Variants in SOX5 observed in about 807,000 individuals in gnomAD.
The protein encoded by SOX5 is transcription factor SOX-5.
Under a neutral mutation model 92.0 loss-of-function variants are expected in SOX5, and 9 were observed. The observed-to-expected ratio is 0.10, with a 90% CI of 0.06 to 0.17. The LOEUF (loss-of-function observed/expected upper bound fraction) is 0.17, where lower values mean the gene tolerates loss of function less well. SOX5 is among the 10% of genes least tolerant of loss of function. The pLI is 1.00. For synonymous variants in SOX5, 344 were observed against 336.3 expected (o/e 1.02, Z -0.25); for missense variants, 642 against 944.5 (o/e 0.68, Z 4.20).
intron 1 of SOX5, among the ~76,000 whole-genome samples, chr12:24,549,589 A>T (rs932553599): frequency 6.6e-6 from 1 of 152,222 alleles, no homozygotes; most frequent in Non-Finnish European, 1.5e-5. Flanking sequence ...TGGCTTCTGT[A>T]TGAGCATTCT....
chr12:24,095,430 T>C (rs2137865493), intron 4 of SOX5, among the ~76,000 whole-genome samples: 1 of 149,008 alleles, frequency 6.7e-6, no homozygotes, highest in South Asian at 2.1e-4. Flanking sequence ...CTTATTTATT[T>C]ATTTATTTAT....
chr12:23,626,949 G>A (rs1229466004), intron 8 of SOX5, among the ~76,000 whole-genome samples: 1 of 152,020 alleles, frequency 6.6e-6, no homozygotes, highest in African/African-American at 2.4e-5. Context: ...TTCCAATAAC[G>A]GAACACCGGG....
At chr12:24,051,110 T>A (rs1253806268) in intron 4 of SOX5, among the ~76,000 whole-genome samples, 5 of 152,172 alleles carry the variant, frequency 3.3e-5, no homozygotes, top group Non-Finnish European at 1.5e-5. Flanking sequence ...ATGGAAAGCC[T>A]GAAGAGGCCA....
chr12:24,400,288 C>T (rs926261250), intron 1 of SOX5, among the ~76,000 whole-genome samples: 3 of 152,212 alleles, frequency 2.0e-5, no homozygotes, highest in African/African-American at 7.2e-5. Flanking sequence ...TCATAACCTT[C>T]CATTTTGTTT....
chr12:23,853,547 T>G (rs1595065167), intron 2 of SOX5, among the ~76,000 whole-genome samples: 1 of 151,062 alleles, frequency 6.6e-6, no homozygotes, highest in Non-Finnish European at 1.5e-5. Flanking sequence ...TAACGTGTTT[T>G]TTTTTTTTTT....
intron 4 of SOX5, among the ~76,000 whole-genome samples, chr12:24,099,465 A>G (rs1386220936): frequency 6.6e-6 from 1 of 152,170 alleles, no homozygotes; most frequent in Admixed American, 6.5e-5. Context: ...ATTCGGATGA[A>G]GGAGCTACTT....
intron 2 of SOX5, among the ~76,000 whole-genome samples, chr12:24,310,685 G>GT (rs1197409982): frequency 6.6e-6 from 1 of 152,120 alleles, no homozygotes; most frequent in Non-Finnish European, 1.5e-5. Flanking sequence ...CAGAGAAATG[G>GT]TGACGTGATA....
intron 4 of SOX5, among the ~76,000 whole-genome samples, chr12:24,038,015 AC>A (rs1956207144): frequency 6.6e-6 from 1 of 152,214 alleles, no homozygotes; most frequent in Non-Finnish European, 1.5e-5. Flanking sequence ...CCACTCAGTT[AC>A]CTATTTCCCC....
chr12:23,844,283 T>C (rs1210731135), intron 3 of SOX5, among the ~76,000 whole-genome samples: 7 of 152,332 alleles, frequency 4.6e-5, no homozygotes, highest in Non-Finnish European at 5.9e-5. Context: ...ATCCGAAGTA[T>C]GGTTTTACTG....
chr12:24,477,764 G>C (rs1945555415), intron 1 of SOX5, among the ~76,000 whole-genome samples: 1 of 151,862 alleles, frequency 6.6e-6, no homozygotes, highest in South Asian at 2.1e-4. Context: ...AAATTGTTTA[G>C]CTATAAGTAT....
At chr12:24,514,541 T>C (rs1254862523) in intron 1 of SOX5, among the ~76,000 whole-genome samples, 1 of 152,138 alleles carries the variant, frequency 6.6e-6, no homozygotes, top group Non-Finnish European at 1.5e-5. Flanking sequence ...TACCCAGCAA[T>C]CCCACTACTG....
At chr12:23,775,205 T>C (rs1317748045) in intron 3 of SOX5, among the ~76,000 whole-genome samples, 1 of 152,216 alleles carries the variant, frequency 6.6e-6, no homozygotes, top group East Asian at 1.9e-4. Flanking sequence ...TACATAATAA[T>C]ATGAAAATCA....
intron 1 of SOX5, among the ~76,000 whole-genome samples, chr12:23,905,799 A>G (rs1197385638): frequency 6.6e-6 from 1 of 152,180 alleles, no homozygotes; most frequent in Non-Finnish European, 1.5e-5. Flanking sequence ...AAAAATTATC[A>G]ATACTTTTCT....
intron 4 of SOX5, among the ~76,000 whole-genome samples, chr12:24,017,283 G>A (rs1953737344): frequency 6.6e-6 from 1 of 152,126 alleles, no homozygotes; most frequent in East Asian, 1.9e-4. Flanking sequence ...CTAACCTGGG[G>A]TAGCTGAACT....
intron 1 of SOX5, among the ~76,000 whole-genome samples, chr12:24,468,909 C>T (rs369466401): frequency 2.2e-4 from 33 of 152,226 alleles, no homozygotes; most frequent in African/African-American, 5.8e-4. Context: ...TTGGCACCAG[C>T]GACAGGTTTC....
At chr12:23,603,521 C>A (rs2074840542) in intron 9 of SOX5, among the ~76,000 whole-genome samples, 1 of 148,042 alleles carries the variant, frequency 6.8e-6, no homozygotes, top group African/African-American at 2.4e-5. Flanking sequence ...CTAATAGAAT[C>A]AAATTATTTG....
At chr12:23,765,384 G>T (rs201388715) in intron 3 of SOX5, among the ~76,000 whole-genome samples, 1 of 2,174 alleles carries the variant, frequency 4.6e-4, no homozygotes, top group Non-Finnish European at 8.1e-3. Flanking sequence ...GTGTAAAACA[G>T]CAAAAAAAAA....
chr12:23,837,216 A>G (rs2096431220), intron 3 of SOX5, among the ~76,000 whole-genome samples: 1 of 126,264 alleles, frequency 7.9e-6, no homozygotes, highest in Non-Finnish European at 1.6e-5. Context: ...ATTTATATTT[A>G]TATGATATAT....
At chr12:23,707,377 C>T (rs573910617) in intron 6 of SOX5, among the ~76,000 whole-genome samples, 5 of 152,192 alleles carry the variant, frequency 3.3e-5, no homozygotes, top group African/African-American at 7.2e-5. Flanking sequence ...TCCTATCTGT[C>T]GAGCCCCTTA....
Sources: allele counts gnomAD v4.1 joint callset (sites outside exome capture counted in the v4.1 genomes callset), GRCh38; gene constraint gnomAD v4.1.1; transcripts MANE v1.5; gene names NCBI Gene and HGNC (gene_info 2026-07-23, HGNC 2026-07-21).